Variants in CDH3 observed in about 807,000 individuals in gnomAD.
CDH3 encodes cadherin-3.
Under a neutral mutation model 82.0 loss-of-function variants are expected in CDH3, and 54 were observed. The observed-to-expected ratio is 0.66, with a 90% CI of 0.53 to 0.83. The LOEUF (loss-of-function observed/expected upper bound fraction) is 0.83. Ranked by LOEUF, CDH3 falls within the 40% of genes least tolerant of loss-of-function variation. CDH3 has a pLI of 0.00. For synonymous variants in CDH3, 446 were observed against 437.9 expected (o/e 1.02, Z -0.23); for missense variants, 1,054 against 1,084.6 (o/e 0.97, Z 0.40).
chr16:68,647,045 T>A (rs1249450507), intron 2 of CDH3, among the ~76,000 whole-genome samples: 3 of 152,178 alleles, frequency 2.0e-5, no homozygotes, highest in Non-Finnish European at 4.4e-5. Context: ...GCTAGGCTCC[T>A]TAAACCCTTG....
downstream of CDH3, among the ~76,000 whole-genome samples, chr16:68,731,812 G>A (rs1337091687): frequency 2.0e-5 from 3 of 151,836 alleles, no homozygotes; most frequent in East Asian, 1.9e-4. Context: ...TACTCCAGCC[G>A]GGGTGACAGA....
rs777534293 is a variant in CDH3, at chr16:68,698,187, G to A, written c.2281-4G>A. On this transcript the variant is annotated splice_region_variant and splice_polypyrimidine_tract_variant and intron_variant, in intron 15 of 15. Coordinates refer to ENST00000264012, the MANE Select transcript of CDH3 (RefSeq NM_001793.6). Reference sequence around the variant, plus strand: ...TCCTAACTACCTGTTCTCTGTTGCCGCAGAACCTGAAGGCGGCTAACACAG... The same window carrying A: ...TCCTAACTACCTGTTCTCTGTTGCCACAGAACCTGAAGGCGGCTAACACAG... The A allele has an allele frequency of 1.5e-5, 25 of 1,614,134 alleles. No individual in the cohort carries two copies. Among genetic ancestry groups the A allele is most frequent in the Middle Eastern group, 3.3e-4 (2 of 6,062 alleles).
chr16:68,694,768 C>T (rs761901321), intron 13 of CDH3, among the ~76,000 whole-genome samples: 8 of 152,150 alleles, frequency 5.3e-5, no homozygotes, highest in African/African-American at 1.2e-4. Context: ...TGAAAGACAA[C>T]ATCTGCTGGG....
chr16:68,712,039 T>TTTG (rs1439989588), intron 1 of CDH3, among the ~76,000 whole-genome samples: 2 of 55,696 alleles, frequency 3.6e-5, no homozygotes, highest in Non-Finnish European at 6.3e-5. Flanking sequence ...TTTGTTTTCT[T>TTTG]TTTTTTTTTT....
rs1555503894 is a variant in CDH3, at chr16:68,645,691, C to T, written c.101C>T (p.Ala34Val). The T allele has an allele frequency of 1.9e-6, 3 of 1,546,330 alleles. No individual in the cohort carries two copies. The East Asian group carries it at 7.3e-5, about 38-fold the overall frequency. ...SEPCRAVFRE[A>V]EVTLEAGGAE... is the part of the protein sequence containing the mutation. The stretch of plus-strand genomic sequence containing the variant: ...CCGTGCCGGGCGGTCTTCAGGGAGG[C>T]TGAAGTGACCTTGGAGGCGGGAGGC... Residue 34 changes from alanine (A) to valine (V), a missense_variant, in exon 2 of 16, where the codon GCT becomes GTT. By Grantham distance (64) the Ala-to-Val change is moderately conservative. Transcript: ENST00000264012.
chr16:68,672,705 G>A (rs1285516254), intron 2 of CDH3, among the ~76,000 whole-genome samples: 1 of 152,172 alleles, frequency 6.6e-6, no homozygotes, highest in Non-Finnish European at 1.5e-5. Flanking sequence ...GGCAGGGCTG[G>A]TTCCTAAGCG....
At chr16:68,706,557 T>C (rs1961966907) in intron 1 of CDH3, among the ~76,000 whole-genome samples, 1 of 140,416 alleles carries the variant, frequency 7.1e-6, no homozygotes, top group African/African-American at 2.7e-5. Flanking sequence ...TTTTTTTTTT[T>C]TTTTTTTTTT....
rs562310431 is a variant in CDH3, at chr16:68,651,292, G to A, written c.160+5542G>A. 64 of 548,128 alleles carry A rather than the reference G, an allele frequency of 1.2e-4. No homozygotes were observed. The East Asian group carries it at 1.3e-3, about 11-fold the overall frequency. 34.0% of individuals were successfully genotyped at this position (548,128 alleles called of 1,614,324 possible). ...GATGTGCAGCTGGGTCCAGGGAGCC[G>A]TCATGCCCATGTGGCTGGCGCACTT... is the stretch of plus-strand genomic sequence containing the variant. On this transcript the variant is annotated intron_variant, in intron 2 of 15. Transcript: ENST00000264012.
intron 2 of CDH3, among the ~76,000 whole-genome samples, chr16:68,662,459 A>G (rs1205690077): frequency 6.6e-6 from 1 of 150,380 alleles, no homozygotes; most frequent in African/African-American, 2.5e-5. Flanking sequence ...ATATAGTAAG[A>G]CCTTGTCCCT....
chr16:68,678,270 T>C lies in CDH3; in HGVS notation c.383T>C (p.Leu128Pro), dbSNP rs776286066. The change falls in exon 4 of 16, where the codon CTG (leucine) becomes CCG (proline). Residue 128 changes from leucine to proline, a missense_variant. Transcript: ENST00000264012. Reference sequence around the variant, plus strand: ...GGCAAGGGTCCCTTCCCCCAGAGACTGAATCAGGTACGACTGTGCCTTCTC... The same window carrying C: ...GGCAAGGGTCCCTTCCCCCAGAGACCGAATCAGGTACGACTGTGCCTTCTC... Reference protein sequence around the residue: ...ENGKGPFPQRLNQLKSNKDRD... With the variant: ...ENGKGPFPQRPNQLKSNKDRD... 6.2e-7 allele frequency: 1 copy of C among 1,614,156 alleles called. No homozygotes were observed. Among genetic ancestry groups the C allele is most frequent in the East Asian group, 2.2e-5 (1 of 44,880 alleles).
intron 2 of CDH3, among the ~76,000 whole-genome samples, chr16:68,659,693 C>A (rs922451558): frequency 9.9e-5 from 15 of 151,306 alleles, no homozygotes; most frequent in East Asian, 1.9e-4. Flanking sequence ...TCAAAAAAAA[C>A]CAAAAAATAA....
chr16:68,676,778 A>G (rs1961046031), intron 3 of CDH3, among the ~76,000 whole-genome samples: 1 of 152,080 alleles, frequency 6.6e-6, no homozygotes, highest in Non-Finnish European at 1.5e-5. Flanking sequence ...TCCTTCCCTT[A>G]TCATCCATGT....
At chr16:68,731,035 AAAAAAAAAAAAAATATAT>A (rs1398775518), downstream of CDH3, among the ~76,000 whole-genome samples, 2 of 30,980 alleles carry the variant, frequency 6.5e-5, no homozygotes, top group Non-Finnish European at 1.9e-4. Flanking sequence ...AAAAAAAAAA[AAAAAAAAAAAAAATATAT>A]ATATATATAT....
chr16:68,654,984 C>T (rs916560856), intron 2 of CDH3, among the ~76,000 whole-genome samples: 5 of 152,038 alleles, frequency 3.3e-5, no homozygotes, highest in Middle Eastern at 3.4e-3. Context: ...TGCAGTGAGC[C>T]GAGATTGCAC....
chr16:68,728,871 G>A (rs902383128), downstream of CDH3, among the ~76,000 whole-genome samples: 2 of 152,130 alleles, frequency 1.3e-5, no homozygotes, highest in Non-Finnish European at 1.5e-5. Context: ...CTATGGGAGC[G>A]CCCGGCAACA....
intron 1 of CDH3, among the ~76,000 whole-genome samples, chr16:68,706,158 A>G (rs1597826418): frequency 5.3e-5 from 8 of 152,046 alleles, no homozygotes; most frequent in Admixed American, 4.6e-4. Flanking sequence ...CAAGATCGAC[A>G]TCACAAACTC....
At chr16:68,688,585 CAAATA>C (rs940035990) in intron 12 of CDH3, among the ~76,000 whole-genome samples, 1 of 151,480 alleles carries the variant, frequency 6.6e-6, no homozygotes, top group East Asian at 2.0e-4. Flanking sequence ...GAGACTGTCT[CAAATA>C]AAATAAAATT....
chr16:68,702,807 G>A (rs1961912545), downstream of CDH3, among the ~76,000 whole-genome samples: 1 of 152,020 alleles, frequency 6.6e-6, no homozygotes, highest in Non-Finnish European at 1.5e-5. Context: ...AGAGGTTTCA[G>A]TGAGCCGAGA....
At chr16:68,655,914 C>T (rs1960400319) in intron 2 of CDH3, among the ~76,000 whole-genome samples, 1 of 152,032 alleles carries the variant, frequency 6.6e-6, no homozygotes, top group African/African-American at 2.4e-5. Flanking sequence ...GATATAGAGT[C>T]ACATAGGAGA....
Sources: allele counts gnomAD v4.1 joint callset (sites outside exome capture counted in the v4.1 genomes callset), GRCh38; gene constraint gnomAD v4.1.1; transcripts MANE v1.5; gene names NCBI Gene and HGNC (gene_info 2026-07-23, HGNC 2026-07-21).